The following STEAP2 variants were observed in gnomAD, a reference collection of about 807,000 sequenced individuals.
STEAP2 encodes the protein STEAP2 metalloreductase.
STEAP2 carries 30 observed loss-of-function variants against 46.4 expected under a neutral mutation model. That is an observed-to-expected ratio of 0.65 (90% confidence interval 0.48 to 0.88). The LOEUF (loss-of-function observed/expected upper bound fraction) is 0.88, where lower values mean the gene tolerates loss of function less well. STEAP2 is among the 40% of genes least tolerant of loss of function. The probability of loss-of-function intolerance (pLI) is 0.00; values close to 1 mark genes in which losing one functional copy is unlikely to be tolerated. For synonymous variants in STEAP2, 180 were observed against 200.5 expected (o/e 0.90, Z 0.86); for missense variants, 513 against 579.3 (o/e 0.89, Z 1.18).
Position 90,232,542 on chromosome 7 carries a change from G to A in STEAP2, c.1391G>A (p.Gly464Asp), listed in dbSNP as rs1795802489. 1 of 1,613,708 alleles carries A rather than the reference G, an allele frequency of 6.2e-7. No individual in the cohort carries two copies. The highest frequency in any genetic ancestry group is 8.5e-7 in the Non-Finnish European group (1 of 1,179,736). ...CGAAAGCTAAAACGAATTAAAAAAGGCTGGGAAAAGAGCCAATTTCTGGAA... is the reference window on the plus strand; with the variant it reads ...CGAAAGCTAAAACGAATTAAAAAAGACTGGGAAAAGAGCCAATTTCTGGAA... The part of the protein sequence containing the change: ...ISRKLKRIKK[G>D]WEKSQFLEEG... The change falls in exon 6 of 6, where the codon GGC (glycine) becomes GAC (aspartate). Residue 464 changes from glycine (G) to aspartate (D), a missense_variant. By Grantham distance (94) the Gly-to-Asp change is moderately conservative (BLOSUM62 -1). Transcript: ENST00000394621.
chr7:90,233,955 A>G lies in STEAP2; in HGVS notation c.*1331A>G, dbSNP rs1795861947. ...TACTTACCCTATTCTTGCTTGGAAC[A>G]TGAGCCTGGAGACCCATGGCAGTCC... On this transcript the variant is annotated 3_prime_UTR_variant, in exon 6 of 6. Coordinates refer to ENST00000394621, the MANE Select transcript of STEAP2 (RefSeq NM_001244944.2). 2.0e-6 allele frequency: 2 copies of G among 985,416 alleles called. No homozygotes were observed. The highest frequency in any genetic ancestry group is 2.4e-6 in the Non-Finnish European group (2 of 829,934). 61.0% of individuals were successfully genotyped at this position (985,416 alleles called of 1,614,324 possible).
In STEAP2 at chr7:90,227,418, A is replaced by G. The variant is rs547113382; in HGVS notation, c.940A>G (p.Met314Val). The G allele has an allele frequency of 2.2e-5, 35 of 1,612,666 alleles. No individual in the cohort carries two copies. Among genetic ancestry groups the G allele is most frequent in the Admixed American group, 6.7e-5 (4 of 59,952 alleles). ...QLGLLSFFFA[M>V]VHVAYSLCLP... ...TGGATTACTAAGTTTTTTCTTCGCT[A>G]TGGTCCATGTTGCCTACAGCCTCTG... Residue 314 changes from methionine (M) to valine (V), a missense_variant, in exon 4 of 6, where the codon ATG becomes GTG. Coordinates refer to ENST00000394621, the MANE Select transcript of STEAP2 (RefSeq NM_001244944.2).
downstream of STEAP2, among the ~76,000 whole-genome samples, chr7:90,242,931 T>A (rs1038780001): frequency 6.6e-6 from 1 of 152,180 alleles, no homozygotes; most frequent in Non-Finnish European, 1.5e-5. Flanking sequence ...GGGTCAACAG[T>A]GTAAAATACT....
chr7:90,225,364 C>T lies in STEAP2; in HGVS notation c.282C>T (p.His94=). ...CAAATATAATATTTGTTGCTATACACAGAGAACATTATACCTCCCTGTGGG... is the reference window on the plus strand; with the variant it reads ...CAAATATAATATTTGTTGCTATACATAGAGAACATTATACCTCCCTGTGGG... ...TKTNIIFVAI[H]REHYTSLWDL... The change falls in exon 3 of 6, where the codon CAC becomes CAT. Residue 94 remains histidine, a synonymous_variant. Coordinates refer to ENST00000394621, the MANE Select transcript of STEAP2 (RefSeq NM_001244944.2). 6.2e-7 allele frequency: 1 copy of T among 1,613,872 alleles called. No individual in the cohort carries two copies. The highest frequency in any genetic ancestry group is 8.5e-7 in the Non-Finnish European group (1 of 1,179,916).
intron 5 of STEAP2, among the ~76,000 whole-genome samples, chr7:90,230,752 A>C (rs1795707366): frequency 6.6e-6 from 1 of 151,906 alleles, no homozygotes; most frequent in South Asian, 2.1e-4. Context: ...CAAAATCTGT[A>C]CTGGTTGTAT....
At chr7:90,240,605 C>T (rs1796049511), downstream of STEAP2, among the ~76,000 whole-genome samples, 1 of 151,888 alleles carries the variant, frequency 6.6e-6, no homozygotes, top group South Asian at 2.1e-4. This position sits in a 1 kb window ranked among gnomAD's most constrained non-coding sequence, Gnocchi z 4.1. Context: ...AGAGTACAAA[C>T]AAGAAAAAGT....
chr7:90,238,225 G>T, downstream of STEAP2: 1 of 700,728 alleles, frequency 1.4e-6, no homozygotes, highest in Non-Finnish European at 2.7e-6. Flanking sequence ...TGACCTTTGT[G>T]CCTGTGCACC....
intron 2 of STEAP2, among the ~76,000 whole-genome samples, chr7:90,218,939 A>G (rs1338985110): frequency 6.6e-6 from 1 of 151,622 alleles, no homozygotes; most frequent in Non-Finnish European, 1.5e-5. Flanking sequence ...GTCATCTTTA[A>G]TTTTTTTCTA....
At chr7:90,212,721 T>G (rs2116084893) in intron 1 of STEAP2, among the ~76,000 whole-genome samples, 1 of 152,294 alleles carries the variant, frequency 6.6e-6, no homozygotes, top group African/African-American at 2.4e-5. Flanking sequence ...GTGTCAGTTT[T>G]TACTCCTCGG....
chr7:90,239,851 C>T (rs1375806809), downstream of STEAP2, among the ~76,000 whole-genome samples: 2 of 152,124 alleles, frequency 1.3e-5, no homozygotes, highest in Non-Finnish European at 2.9e-5. Context: ...CTTTTACTTT[C>T]GTTTTCTGTT....
chr7:90,217,003 T>G (rs1263639744), intron 2 of STEAP2, among the ~76,000 whole-genome samples: 1 of 152,208 alleles, frequency 6.6e-6, no homozygotes, highest in Non-Finnish European at 1.5e-5. Flanking sequence ...GGACTTTCCC[T>G]CACTACCATA....
intron 1 of STEAP2, among the ~76,000 whole-genome samples, chr7:90,213,212 A>G (rs943622922): frequency 6.6e-6 from 1 of 152,302 alleles, no homozygotes; most frequent in South Asian, 2.1e-4. Flanking sequence ...GAGAATGACA[A>G]CTTGAGCAAA....
At chr7:90,215,047 G>A (rs183676811) in intron 1 of STEAP2, among the ~76,000 whole-genome samples, 2 of 152,206 alleles carry the variant, frequency 1.3e-5, no homozygotes, top group Non-Finnish European at 2.9e-5. Flanking sequence ...GTCAGTAGAG[G>A]ACAGCAGTGA....
downstream of STEAP2, among the ~76,000 whole-genome samples, chr7:90,243,045 A>C (rs1020920915): frequency 3.3e-5 from 5 of 152,240 alleles, no homozygotes; most frequent in African/African-American, 1.2e-4. Context: ...GAAAAGCGGA[A>C]GAATGACTAG....
chr7:90,213,301 C>G (rs2116095935), intron 1 of STEAP2, among the ~76,000 whole-genome samples: 1 of 152,222 alleles, frequency 6.6e-6, no homozygotes, highest in South Asian at 2.1e-4. Flanking sequence ...GGTGAATGAA[C>G]ATAGTTGTAT....
chr7:90,229,833 C>T, intron 4 of STEAP2, 39 bp from the exon 5 acceptor site: 1 of 1,600,456 alleles, frequency 6.2e-7, no homozygotes, highest in Non-Finnish European at 8.5e-7. Context: ...AGTTAATGTT[C>T]TACTAAATAA....
At chr7:90,219,914 C>T (rs780414093) in intron 2 of STEAP2, among the ~76,000 whole-genome samples, 88 of 152,116 alleles carry the variant, frequency 5.8e-4, no homozygotes, top group Middle Eastern at 3.4e-3. Flanking sequence ...TTTGTAGAGA[C>T]GAGGGTCTCA....
downstream of STEAP2, chr7:90,238,014 G>GA (rs1277343885): frequency 9.8e-6 from 7 of 712,776 alleles, no homozygotes; most frequent in Non-Finnish European, 1.8e-5. Context: ...CATTTTTACA[G>GA]AAAATTATGT....
Position 90,237,087 on chromosome 7 carries a change from ATCTT to A in STEAP2, c.*4464_*4467del. ...AGCATGTGTCCTTTTTCATCCCTTCATCTTGCTGCTGGGATTGTGGATATAACAG... is the reference window on the plus strand; with the variant it reads ...AGCATGTGTCCTTTTTCATCCCTTCAGCTGCTGGGATTGTGGATATAACAG... On this transcript the variant is annotated 3_prime_UTR_variant, in exon 6 of 6. Transcript: ENST00000394621. 1 of 882,924 alleles carries A rather than the reference ATCTT, an allele frequency of 1.1e-6. No individual in the cohort carries two copies. Among genetic ancestry groups the A allele is most frequent in the Non-Finnish European group, 1.7e-6 (1 of 582,572 alleles). 54.7% of individuals were successfully genotyped at this position (882,924 alleles called of 1,614,324 possible).
Sources: gnomAD v4.1 joint callset for allele counts (sites outside exome capture counted in the v4.1 genomes callset) on GRCh38, gnomAD v4.1.1 for gene constraint, Gnocchi (gnomAD v3.1) non-coding constraint, MANE v1.5 for transcripts, NCBI Gene and HGNC (gene_info 2026-07-23, HGNC 2026-07-21) for gene names.